Variants in KCNIP1 observed in about 807,000 individuals in gnomAD.
KCNIP1 encodes A-type potassium channel modulatory protein KCNIP1.
In KCNIP1, 18 loss-of-function variants were observed where a neutral mutation model predicts 33.0. The observed-to-expected ratio is 0.55, with a 90% confidence interval of 0.38 to 0.81. KCNIP1 has a LOEUF of 0.81. Ranked by LOEUF, KCNIP1 falls within the 30% of genes least tolerant of loss-of-function variation. KCNIP1 has a pLI of 0.00. For synonymous variants in KCNIP1, 93 were observed against 98.3 expected, an observed-to-expected ratio of 0.95 and a Z score of 0.32; for missense variants, 238 against 271.6, an observed-to-expected ratio of 0.88 and a Z score of 0.87.
intron 1 of KCNIP1, among the ~76,000 whole-genome samples, chr5:170,359,215 T>C (rs1486113336): frequency 6.6e-6 from 1 of 152,024 alleles, no homozygotes; most frequent in Non-Finnish European, 1.5e-5. Context: ...TGAGGGCCAC[T>C]CCCCCATGGC....
rs1754627341 is a variant in KCNIP1 at position 170,504,513 on chromosome 5, T to C, written c.-60T>C. ...GAGTAGACAAACCACGGGGATTTCT[T>C]TCCAGGGTAGGGGAGGGGCCGGGCC... On this transcript the variant is annotated 5_prime_UTR_variant, in exon 1 of 8. Coordinates refer to ENST00000328939, the MANE Select transcript of KCNIP1 (RefSeq NM_014592.4). This position sits in a 1 kb window ranked among gnomAD's most constrained non-coding sequence, Gnocchi z 6.0. The C allele has an allele frequency of 1.9e-6, 3 of 1,607,378 alleles. No individual in the cohort carries two copies. The highest frequency in any genetic ancestry group is 2.2e-5 in the South Asian group (2 of 90,980).
chr5:170,491,577 C>T (rs1035849292), intron 1 of KCNIP1, among the ~76,000 whole-genome samples: 1 of 152,146 alleles, frequency 6.6e-6, no homozygotes, highest in Non-Finnish European at 1.5e-5. Context: ...GTGCCAACTT[C>T]CTCCAGATAT....
At chr5:170,370,072 G>A (rs1035342928) in intron 1 of KCNIP1, among the ~76,000 whole-genome samples, 2 of 152,108 alleles carry the variant, frequency 1.3e-5, no homozygotes, top group African/African-American at 4.8e-5. Context: ...GTTAAGTCAG[G>A]GTACCCCTAG....
chr5:170,596,545 A>AC (rs34935406), intron 1 of KCNIP1, among the ~76,000 whole-genome samples: 4 of 152,108 alleles, frequency 2.6e-5, no homozygotes, highest in African/African-American at 9.7e-5. Flanking sequence ...AGGAAACACC[A>AC]CCCCACGTAG....
At chr5:170,376,317 C>A (rs556197589) in intron 1 of KCNIP1, 2 of 151,958 alleles carry the variant, frequency 1.3e-5, no homozygotes, top group Non-Finnish European at 2.9e-5. Flanking sequence ...GCTACCACCA[C>A]GCCCGGCTAT....
intron 1 of KCNIP1, among the ~76,000 whole-genome samples, chr5:170,472,727 A>G (rs995727767): frequency 5.9e-5 from 9 of 152,074 alleles, no homozygotes; most frequent in Admixed American, 2.6e-4. Flanking sequence ...ATAGTCTCCA[A>G]TCTCATCCAG....
At chr5:170,417,827 A>C (rs1755371400) in intron 1 of KCNIP1, among the ~76,000 whole-genome samples, 1 of 152,024 alleles carries the variant, frequency 6.6e-6, no homozygotes, top group South Asian at 2.1e-4. Context: ...TTCTTTTCCT[A>C]AGTCCTAACT....
chr5:170,411,256 G>A (rs1755180600), intron 1 of KCNIP1, among the ~76,000 whole-genome samples: 1 of 152,166 alleles, frequency 6.6e-6, no homozygotes, highest in Admixed American at 6.5e-5. Context: ...CCCCGCTAGG[G>A]GGCAAATGTC....
intron 1 of KCNIP1, chr5:170,560,971 C>T (rs1371898854): frequency 5.5e-6 from 2 of 364,480 alleles, no homozygotes; most frequent in Non-Finnish European, 5.4e-6. Context: ...AAGAAGGAGT[C>T]CCCTCTGGGG....
chr5:170,517,240 G>T (rs992835137), intron 1 of KCNIP1, among the ~76,000 whole-genome samples: 8 of 152,098 alleles, frequency 5.3e-5, no homozygotes, highest in Non-Finnish European at 1.2e-4. Flanking sequence ...GAGCAAAGGG[G>T]GGTGTGCTAC....
At chr5:170,537,889 A>C (rs1756056127) in intron 1 of KCNIP1, among the ~76,000 whole-genome samples, 1 of 152,104 alleles carries the variant, frequency 6.6e-6, no homozygotes, top group African/African-American at 2.4e-5. Context: ...CAATTCCCCA[A>C]TCTGAGGGTG....
At position 170,723,383 on chromosome 5, in the gene KCNIP1, T is replaced by C. The variant is rs377242732; in HGVS notation, c.435+563T>C. The stretch of plus-strand genomic sequence containing the variant: ...TTTAGAACCTCAGAGGACATGTCTC[T>C]AGCCAGTGAAATACCCTCAGGTCTA... On this transcript the variant is annotated intron_variant, in intron 5 of 7. Coordinates refer to ENST00000328939, the MANE Select transcript of KCNIP1 (RefSeq NM_014592.4). Among the ~76,000 whole-genome samples, 4 of 152,262 alleles carry C rather than the reference T, an allele frequency of 2.6e-5. No homozygotes were observed. The East Asian group carries it at 7.7e-4, about 29-fold the overall frequency.
intron 1 of KCNIP1, among the ~76,000 whole-genome samples, chr5:170,354,272 G>A (rs943033324): frequency 6.6e-6 from 1 of 152,198 alleles, no homozygotes; most frequent in Non-Finnish European, 1.5e-5. Flanking sequence ...GTGGCTTAGC[G>A]TGACTGGAGT....
intron 1 of KCNIP1, among the ~76,000 whole-genome samples, chr5:170,516,273 C>T (rs1170446067): frequency 2.0e-5 from 3 of 152,214 alleles, no homozygotes; most frequent in African/African-American, 4.8e-5. Flanking sequence ...TCCTTCTCCT[C>T]TCCCAGGGAA....
chr5:170,555,386 A>G (rs1442049630), intron 1 of KCNIP1, among the ~76,000 whole-genome samples: 2 of 152,200 alleles, frequency 1.3e-5, no homozygotes, highest in Non-Finnish European at 2.9e-5. Context: ...AGCACCTACC[A>G]TGTGCCCATT....
intron 1 of KCNIP1, among the ~76,000 whole-genome samples, chr5:170,431,927 C>G (rs1755751855): frequency 6.6e-6 from 1 of 152,228 alleles, no homozygotes; most frequent in South Asian, 2.1e-4. Flanking sequence ...ACTCTCTTCT[C>G]TAAGGCTCAG....
intron 1 of KCNIP1, among the ~76,000 whole-genome samples, chr5:170,443,072 G>A (rs1051970487): frequency 6.6e-6 from 1 of 152,160 alleles, no homozygotes; most frequent in Admixed American, 6.5e-5. Flanking sequence ...CTGTGGGGAG[G>A]GGCTCAGCTA....
chr5:170,560,964 A>G, intron 1 of KCNIP1: 1 of 356,466 alleles, frequency 2.8e-6, no homozygotes. Context: ...TTCTCACAAG[A>G]AGGAGTCCCC....
At chr5:170,630,083 CT>C (rs1482343600) in intron 1 of KCNIP1, among the ~76,000 whole-genome samples, 1 of 152,226 alleles carries the variant, frequency 6.6e-6, no homozygotes, top group Non-Finnish European at 1.5e-5. Flanking sequence ...AAGAGCAGGA[CT>C]GAGTCCCTGG....
Sources: allele counts gnomAD v4.1 joint callset (sites outside exome capture counted in the v4.1 genomes callset), GRCh38; gene constraint gnomAD v4.1.1; non-coding constraint Gnocchi (gnomAD v3.1); transcripts MANE v1.5; gene names NCBI Gene and HGNC (gene_info 2026-07-23, HGNC 2026-07-21).